Variants in USO1 observed in about 807,000 individuals in gnomAD.
USO1 encodes USO1 vesicle transport factor, also known as general vesicular transport factor p115.
Under a neutral mutation model 124.5 loss-of-function variants are expected in USO1, and 57 were observed. The ratio of observed to expected loss-of-function variants is 0.46; its 90% CI spans 0.37 to 0.57. The LOEUF (loss-of-function observed/expected upper bound fraction) is 0.57, where lower values mean the gene tolerates loss of function less well. USO1 is among the 20% of genes least tolerant of loss of function. The probability of loss-of-function intolerance (pLI) is 0.00; values close to 1 mark genes in which losing one functional copy is unlikely to be tolerated. For synonymous variants in USO1, 369 were observed against 362.8 expected, an observed-to-expected ratio of 1.02 and a Z score of -0.19; for missense variants, 900 against 1,040.6, an observed-to-expected ratio of 0.86 and a Z score of 1.86.
Position 75,724,733 on chromosome 4 carries a change from A to G in USO1, c.-87A>G, listed in dbSNP as rs1190259099. On this transcript the variant is annotated 5_prime_UTR_variant, in exon 1 of 24. Transcript: ENST00000514213. ...GCAGTAGGAGTGTGTAGAGTGCGGG[A>G]TTGGGGCCCAGGCCCTGCGGAGGGC... 4 of 1,407,304 alleles carry G rather than the reference A, an allele frequency of 2.8e-6. No individual in the cohort carries two copies. The highest frequency in any genetic ancestry group is 3.9e-6 in the Non-Finnish European group (4 of 1,013,232). 87.2% of individuals were successfully genotyped at this position (1,407,304 alleles called of 1,614,324 possible).
intron 1 of USO1, among the ~76,000 whole-genome samples, chr4:75,725,845 T>C (rs1234111104): frequency 1.3e-5 from 2 of 152,188 alleles, no homozygotes; most frequent in Admixed American, 6.5e-5. Flanking sequence ...AGGGATAATA[T>C]AGTAGCTTTC....
Position 75,770,898 on chromosome 4 carries a change from A to G in USO1, c.473A>G (p.Gln158Arg). ...SLLKQLGPQV[Q>R]QIILVSPMGV... ...TTAAAACAACTAGGGCCTCAGGTGC[A>G]ACAAATTATTTTAGTCAGTCCTATG... Residue 158 changes from glutamine to arginine, a missense_variant, in exon 6 of 24, where the codon CAA becomes CGA. By Grantham distance (43) the Gln-to-Arg change is conservative (BLOSUM62 1). Transcript: ENST00000514213. The G allele has an allele frequency of 6.2e-7, 1 of 1,613,730 alleles. No homozygotes were observed. Among genetic ancestry groups the G allele is most frequent in the Non-Finnish European group, 8.5e-7 (1 of 1,179,800 alleles).
intron 1 of USO1, among the ~76,000 whole-genome samples, chr4:75,730,589 A>G (rs1400360102): frequency 6.6e-6 from 1 of 152,020 alleles, no homozygotes; most frequent in Non-Finnish European, 1.5e-5. Flanking sequence ...TTACTCTTGA[A>G]TCTGATTAGG....
chr4:75,792,061 C>G (rs927461936), intron 12 of USO1, among the ~76,000 whole-genome samples: 5 of 149,574 alleles, frequency 3.3e-5, no homozygotes, highest in East Asian at 1.9e-4. Flanking sequence ...AACATTTAGC[C>G]TTTGTGTTTC....
At chr4:75,794,962 G>A (rs2060350720) in intron 13 of USO1, among the ~76,000 whole-genome samples, 1 of 151,932 alleles carries the variant, frequency 6.6e-6, no homozygotes, top group African/African-American at 2.4e-5. Flanking sequence ...TTCTCATGTT[G>A]CTATCTGTTA....
At position 75,753,814 on chromosome 4, in the gene USO1, C is replaced by T. The variant is rs1553898178; in HGVS notation, c.218+1210C>T. ...TTTTTTTTTTTTTGAGATTAAGTCT[C>T]GCTCTGTCGCCCAGGCTGGAGTGCA... On this transcript the variant is annotated intron_variant, in intron 3 of 23. Transcript: ENST00000514213. Among the ~76,000 whole-genome samples, 40 of 133,848 alleles carry T rather than the reference C, an allele frequency of 3.0e-4. No individual in the cohort carries two copies. The East Asian group carries it at 5.8e-3, about 19-fold the overall frequency. 87.8% of individuals were successfully genotyped at this position (133,848 alleles called of 152,430 possible). A position where few individuals can be genotyped will look rare whatever the true frequency, so the allele number is the denominator to read the frequency against.
intron 1 of USO1, among the ~76,000 whole-genome samples, chr4:75,743,042 T>C (rs1721010986): frequency 6.6e-6 from 1 of 151,212 alleles, no homozygotes; most frequent in Admixed American, 6.6e-5. Context: ...TGGAGTGCAG[T>C]GGCACGATCT....
intron 8 of USO1, among the ~76,000 whole-genome samples, chr4:75,777,865 A>T (rs1044584232): frequency 1.3e-5 from 2 of 152,224 alleles, no homozygotes; most frequent in African/African-American, 2.4e-5. Flanking sequence ...AGACATATTC[A>T]CACAAACATC....
At chr4:75,725,390 A>G (rs763593016) in intron 1 of USO1, among the ~76,000 whole-genome samples, 62 of 152,154 alleles carry the variant, frequency 4.1e-4, no homozygotes, top group Non-Finnish European at 7.1e-4. Flanking sequence ...GAATAAAACG[A>G]TATTCTTTGA....
chr4:75,814,073 A>C lies in USO1; in HGVS notation c.*778A>C, dbSNP rs909969985. ...AAAACATATTATGTTCCTAGTTTTA[A>C]AAAGACCCAAAGTATGATTAATATA... On this transcript the variant is annotated 3_prime_UTR_variant, in exon 24 of 24. Transcript: ENST00000514213. 1.3e-5 allele frequency: 2 copies of C among 152,234 alleles called. No individual in the cohort carries two copies. Among genetic ancestry groups the C allele is most frequent in the African/African-American group, 2.4e-5 (1 of 41,470 alleles). 9.4% of individuals were successfully genotyped at this position (152,234 alleles called of 1,614,324 possible). A position where few individuals can be genotyped will look rare whatever the true frequency, so the allele number is the denominator to read the frequency against.
chr4:75,756,783 G>T (rs554347968), intron 3 of USO1, among the ~76,000 whole-genome samples: 1 of 151,984 alleles, frequency 6.6e-6, no homozygotes, highest in East Asian at 1.9e-4. Flanking sequence ...AAAGTGCTGG[G>T]ATTACAGGCG....
At chr4:75,751,022 GT>G (rs1309174139) in intron 1 of USO1, among the ~76,000 whole-genome samples, 1 of 151,492 alleles carries the variant, frequency 6.6e-6, no homozygotes, top group Non-Finnish European at 1.5e-5. Context: ...CATATCAGTA[GT>G]TAATTCTTTT....
chr4:75,790,986 A>G (rs1052650229), intron 12 of USO1, among the ~76,000 whole-genome samples, 189 bp downstream of exon 12: 1 of 151,602 alleles, frequency 6.6e-6, no homozygotes, highest in Non-Finnish European at 1.5e-5. Flanking sequence ...GAGTCAGACC[A>G]GAGTTTGCAT....
At chr4:75,749,812 G>T (rs1721251380) in intron 1 of USO1, among the ~76,000 whole-genome samples, 2 of 151,158 alleles carry the variant, frequency 1.3e-5, no homozygotes, top group East Asian at 2.0e-4. Context: ...GAGTGCAGTG[G>T]TGCGATCTCG....
chr4:75,775,935 G>C (rs1472893092), intron 8 of USO1, among the ~76,000 whole-genome samples: 1 of 152,206 alleles, frequency 6.6e-6, no homozygotes, highest in Non-Finnish European at 1.5e-5. Flanking sequence ...TTTAGTAAGA[G>C]AGGATTATCG....
chr4:75,737,838 G>A (rs1720838121), intron 1 of USO1, among the ~76,000 whole-genome samples: 2 of 150,804 alleles, frequency 1.3e-5, no homozygotes, highest in African/African-American at 4.9e-5. Flanking sequence ...TATTATTATT[G>A]TTATTTTGAG....
At chr4:75,768,983 T>C (rs1721846402) in intron 4 of USO1, among the ~76,000 whole-genome samples, 2 of 152,338 alleles carry the variant, frequency 1.3e-5, no homozygotes, top group South Asian at 4.1e-4. Context: ...TCCAGCTTGC[T>C]TCTCCCACAG....
At chr4:75,805,099 A>G in intron 18 of USO1, 41 bp from the exon 19 acceptor site, 1 of 1,514,162 alleles carries the variant, frequency 6.6e-7, no homozygotes, top group Non-Finnish European at 8.8e-7. Flanking sequence ...GAAAAACTGA[A>G]GTTTCCCGTT....
intron 8 of USO1, among the ~76,000 whole-genome samples, chr4:75,780,640 C>CTTTTTTTTTTTTTT (rs71210204): frequency 1.7e-5 from 1 of 59,138 alleles, no homozygotes; most frequent in Non-Finnish European, 2.9e-5. Flanking sequence ...TAAATTTTGA[C>CTTTTTTTTTTTTTT]TTTTTTTTTT....
Sources: allele counts gnomAD v4.1 joint callset (sites outside exome capture counted in the v4.1 genomes callset), GRCh38; gene constraint gnomAD v4.1.1; transcripts MANE v1.5; gene names NCBI Gene and HGNC (gene_info 2026-07-23, HGNC 2026-07-21).